ZNRF1: variants seen among roughly 807,000 people sequenced by gnomAD.
ZNRF1 encodes the protein zinc and ring finger 1.
In ZNRF1, 3 loss-of-function variants were observed where a neutral mutation model predicts 18.4. That is an observed-to-expected ratio of 0.16 (90% CI 0.07 to 0.42). The LOEUF is 0.42. Among genes scored for constraint, ZNRF1 ranks in the 10% least tolerant of loss-of-function variants. ZNRF1 has a pLI of 0.99. For synonymous variants in ZNRF1, 157 were observed against 144.2 expected, an observed-to-expected ratio of 1.09 and a Z score of -0.64; for missense variants, 310 against 329.8, an observed-to-expected ratio of 0.94 and a Z score of 0.47.
intron 1 of ZNRF1, among the ~76,000 whole-genome samples, chr16:75,049,954 C>A (rs185373559): frequency 6.6e-6 from 1 of 152,042 alleles, no homozygotes; most frequent in African/African-American, 2.4e-5. Context: ...TCACAGATCC[C>A]TAATGCTGCC....
chr16:75,070,459 C>T (rs530583605), intron 1 of ZNRF1, among the ~76,000 whole-genome samples: 43 of 152,332 alleles, frequency 2.8e-4, no homozygotes, highest in African/African-American at 1.0e-3. Flanking sequence ...CTCAATGGAC[C>T]TTGCCCCCGA....
chr16:75,013,515 T>C (rs1446720113), intron 1 of ZNRF1, among the ~76,000 whole-genome samples: 2 of 151,894 alleles, frequency 1.3e-5, no homozygotes, highest in Non-Finnish European at 1.5e-5. Flanking sequence ...CCTAGCTAAT[T>C]TTTGTATTTT....
chr16:75,031,988 A>G (rs1049700281), intron 1 of ZNRF1, among the ~76,000 whole-genome samples: 2 of 151,918 alleles, frequency 1.3e-5, no homozygotes, highest in African/African-American at 4.8e-5. Context: ...GATTCTCCAC[A>G]TCTTTTCCAA....
At chr16:75,023,294 C>T (rs891506410) in intron 1 of ZNRF1, among the ~76,000 whole-genome samples, 1 of 152,092 alleles carries the variant, frequency 6.6e-6, no homozygotes. Flanking sequence ...GAAAAGATAC[C>T]TTCCCCTACC....
chr16:75,049,007 C>CTT (rs531574563), intron 1 of ZNRF1, among the ~76,000 whole-genome samples: 4 of 143,744 alleles, frequency 2.8e-5, no homozygotes, highest in Admixed American at 7.0e-5. Flanking sequence ...TTTGGAATCC[C>CTT]TTTTTTTTTT....
chr16:75,068,280 C>T (rs1270022022), intron 1 of ZNRF1, among the ~76,000 whole-genome samples: 1 of 150,798 alleles, frequency 6.6e-6, no homozygotes, highest in Non-Finnish European at 1.5e-5. Flanking sequence ...GGGAGGATTG[C>T]TTAAGCCCTG....
At chr16:75,053,589 C>CAA (rs56775288) in intron 1 of ZNRF1, among the ~76,000 whole-genome samples, 745 of 70,800 alleles carry the variant, frequency 0.011, 10 homozygotes, top group African/African-American at 0.024. Flanking sequence ...GACTCCATCT[C>CAA]AAAAAAAAAA....
intron 2 of ZNRF1, among the ~76,000 whole-genome samples, chr16:75,096,423 G>GC (rs148664194): frequency 0.016 from 2,490 of 152,216 alleles, 59 homozygotes; most frequent in African/African-American, 0.053. Context: ...CAGACCGTGG[G>GC]CCAAAGCTCA....
chr16:74,999,769 A>G lies in ZNRF1; in HGVS notation c.98A>G (p.His33Arg). 1 of 1,395,286 alleles carries G rather than the reference A, an allele frequency of 7.2e-7. No individual in the cohort carries two copies. The highest frequency in any genetic ancestry group is 9.2e-7 in the Non-Finnish European group (1 of 1,081,114). The allele number at this position is 1,395,286 out of a possible 1,614,324, so 86.4% of individuals were successfully genotyped here. ...SAVPPPGGAP[H>R]FGHYRTGGGA... ...GTGCCGCCGCCGGGAGGGGCGCCCC[A>G]TTTCGGGCACTACCGGACGGGCGGC... Residue 33 changes from histidine (H) to arginine (R), a missense_variant, in exon 1 of 5, where the codon CAT becomes CGT. By Grantham distance (29) the His-to-Arg change is conservative. Transcript: ENST00000335325.
chr16:75,085,027 G>GT (rs1428382692), intron 1 of ZNRF1, among the ~76,000 whole-genome samples: 24 of 151,862 alleles, frequency 1.6e-4, no homozygotes, highest in Non-Finnish European at 2.2e-4. Context: ...TTGTTTACAG[G>GT]TTTTTTTTCT....
chr16:75,062,882 T>TA (rs942791314), intron 1 of ZNRF1, among the ~76,000 whole-genome samples: 31 of 152,332 alleles, frequency 2.0e-4, no homozygotes, highest in African/African-American at 7.5e-4. Flanking sequence ...GACAATATTA[T>TA]AGAACATTTA....
intron 1 of ZNRF1, among the ~76,000 whole-genome samples, chr16:75,023,034 C>A (rs1001720386): frequency 1.4e-4 from 22 of 152,096 alleles, no homozygotes; most frequent in African/African-American, 5.3e-4. Context: ...AAGCAGGAAC[C>A]CCCAATGTTG....
rs1237090552 is a variant in ZNRF1, at chr16:75,000,029, T to C, written c.358T>C (p.Ser120Pro). Residue 120 changes from serine (S) to proline (P), a missense_variant, in exon 1 of 5, where the codon TCC becomes CCC. By Grantham distance (74) the Ser-to-Pro change is moderately conservative (BLOSUM62 -1). Around this residue, in one of 2 missense-constraint regions of ZNRF1, gnomAD observed 293 missense variants for 291.2 expected, o/e 1.01. Coordinates refer to ENST00000335325, the MANE Select transcript of ZNRF1 (RefSeq NM_032268.5). ...TAGAGACGGGATGCTGTACCTGGGC[T>C]CCCGAGCCTCGCTGGCGGATGCTCT... ...HHRDGMLYLG[S>P]RASLADALPL... 6.3e-7 allele frequency: 1 copy of C among 1,595,888 alleles called. No homozygotes were observed. The highest frequency in any genetic ancestry group is 1.8e-5 in the Admixed American group (1 of 56,678).
intron 1 of ZNRF1, among the ~76,000 whole-genome samples, chr16:75,010,273 A>C (rs2034976926): frequency 6.6e-6 from 1 of 152,128 alleles, no homozygotes; most frequent in South Asian, 2.1e-4. Context: ...GTGAGCCACC[A>C]CACCCGGCCT....
At position 75,086,768 on chromosome 16, in the gene ZNRF1, C is replaced by T. The variant is rs1316442929; in HGVS notation, c.425-6804C>T. Among the ~76,000 whole-genome samples the T allele has an allele frequency of 3.9e-5, 6 of 152,198 alleles. No individual in the cohort carries two copies. The East Asian group carries it at 5.8e-4, about 15-fold the overall frequency. On this transcript the variant is annotated intron_variant, in intron 1 of 4. Transcript: ENST00000335325. ...GCTAAGGGCAAAGTCAAGGGGCACG[C>T]GCTCTCTGAGCTCCTCAGCCAAGAG...
intron 1 of ZNRF1, among the ~76,000 whole-genome samples, chr16:75,076,829 CAGA>C (rs1016878452): frequency 2.6e-5 from 4 of 151,540 alleles, no homozygotes; most frequent in Non-Finnish European, 4.4e-5. Flanking sequence ...TTAGTGCCCC[CAGA>C]AGAAGAAGAG....
intron 1 of ZNRF1, among the ~76,000 whole-genome samples, chr16:75,050,203 G>A (rs927201319): frequency 2.6e-5 from 4 of 152,086 alleles, no homozygotes; most frequent in African/African-American, 9.7e-5. Context: ...GATGGACCAC[G>A]GTTTGTTTAA....
At chr16:75,065,699 A>G (rs2035794555) in intron 1 of ZNRF1, among the ~76,000 whole-genome samples, 1 of 152,132 alleles carries the variant, frequency 6.6e-6, no homozygotes, top group Non-Finnish European at 1.5e-5. Context: ...GCAAGCATGA[A>G]TGGGTTTTGT....
chr16:75,104,612 C>G, intron 2 of ZNRF1, 172 bp from the exon 3 acceptor site: 1 of 543,584 alleles, frequency 1.8e-6, no homozygotes, highest in South Asian at 2.3e-5. Flanking sequence ...CGCATTATCT[C>G]CACGGTGAAA....
Sources: allele counts gnomAD v4.1 joint callset (sites outside exome capture counted in the v4.1 genomes callset), GRCh38; gene constraint gnomAD v4.1.1; regional missense constraint gnomAD v4.1.1; transcripts MANE v1.5; gene names NCBI Gene and HGNC (gene_info 2026-07-23, HGNC 2026-07-21).